The following EHBP1 variants were observed in gnomAD, a reference collection of about 807,000 sequenced individuals.
EHBP1 encodes the protein EH domain binding protein 1, also known as EH domain-binding protein 1.
A neutral mutation model predicts 144.0 loss-of-function variants in EHBP1; 55 were observed. That is an observed-to-expected ratio of 0.38 (90% CI 0.31 to 0.48). The LOEUF (loss-of-function observed/expected upper bound fraction) is 0.48, where lower values mean the gene tolerates loss of function less well. Ranked by LOEUF, EHBP1 falls within the 20% of genes least tolerant of loss-of-function variation. The probability of loss-of-function intolerance (pLI) is 0.98; values close to 1 mark genes in which losing one functional copy is unlikely to be tolerated. For missense variants in EHBP1, 1,200 were observed against 1,364.2 expected, an observed-to-expected ratio of 0.88 and a Z score of 1.90; for synonymous variants, 469 against 472.7, an observed-to-expected ratio of 0.99 and a Z score of 0.10.
At chr2:62,697,901 C>T (rs1396813873) in intron 1 of EHBP1, among the ~76,000 whole-genome samples, 1 of 152,230 alleles carries the variant, frequency 6.6e-6, no homozygotes, top group Non-Finnish European at 1.5e-5. Context: ...CTTGGGCATA[C>T]ATCCATAGCA....
intron 10 of EHBP1, among the ~76,000 whole-genome samples, chr2:62,937,022 C>G (rs1310181140): frequency 6.6e-6 from 1 of 152,090 alleles, no homozygotes; most frequent in Non-Finnish European, 1.5e-5. Context: ...TAGTTCTAGC[C>G]AGTAATTTGA....
intron 14 of EHBP1, among the ~76,000 whole-genome samples, chr2:62,967,489 G>A (rs1038012067): frequency 6.6e-6 from 1 of 152,054 alleles, no homozygotes; most frequent in African/African-American, 2.4e-5. Context: ...CTAGACGATT[G>A]GTATTTTCCA....
chr2:62,854,256 C>A (rs1239433593), intron 7 of EHBP1, among the ~76,000 whole-genome samples: 4 of 152,208 alleles, frequency 2.6e-5, no homozygotes, highest in African/African-American at 9.6e-5. Context: ...GCCATTAAAG[C>A]TTTCTCTGCA....
chr2:62,713,938 C>T (rs2035409580), intron 2 of EHBP1, among the ~76,000 whole-genome samples: 1 of 151,970 alleles, frequency 6.6e-6, no homozygotes, highest in South Asian at 2.1e-4. Flanking sequence ...GTGGTGGGTT[C>T]TTTAAGGAAT....
chr2:62,889,047 C>CTTTTTTTTTTTTT (rs71410971), intron 10 of EHBP1, among the ~76,000 whole-genome samples: 2 of 39,678 alleles, frequency 5.0e-5, no homozygotes, highest in Non-Finnish European at 8.7e-5. Context: ...GTAGGTACCT[C>CTTTTTTTTTTTTT]TTTTTTTTTT....
At chr2:62,955,328 A>G (rs554137388) in intron 13 of EHBP1, among the ~76,000 whole-genome samples, 189 bp from the exon 14 acceptor site, 1 of 152,150 alleles carries the variant, frequency 6.6e-6, no homozygotes, top group Non-Finnish European at 1.5e-5. Context: ...TATTTCCCTC[A>G]TGTCAAGATT....
chr2:62,779,506 G>A (rs1190415592), intron 5 of EHBP1, among the ~76,000 whole-genome samples: 3 of 152,124 alleles, frequency 2.0e-5, no homozygotes, highest in Non-Finnish European at 4.4e-5. Flanking sequence ...GAAAATTCAT[G>A]TGCTTATGGC....
At chr2:62,816,658 T>G (rs1344847194) in intron 5 of EHBP1, among the ~76,000 whole-genome samples, 1 of 152,190 alleles carries the variant, frequency 6.6e-6, no homozygotes, top group African/African-American at 2.4e-5. Flanking sequence ...TGGCTTCAGT[T>G]AGGGGATAAT....
rs1023837865 is a variant in EHBP1, at chr2:63,018,776, A to C, written c.3104-18759A>C. Among the ~76,000 whole-genome samples, 4 of 152,346 alleles carry C rather than the reference A, an allele frequency of 2.6e-5. No individual in the cohort carries two copies. In the East Asian group the frequency reaches 7.7e-4, roughly 29 times the overall value. On this transcript the variant is annotated intron_variant, in intron 19 of 22. Transcript: ENST00000431489. ...TTTGAACCTAAAGAATTAACACATC[A>C]CCATAATTTTCAATTTGGAACATGT...
intron 5 of EHBP1, among the ~76,000 whole-genome samples, chr2:62,787,400 C>CA (rs1558669118): frequency 8.7e-6 from 1 of 114,468 alleles, no homozygotes; most frequent in Non-Finnish European, 1.8e-5. Context: ...CGCTGCCCCC[C>CA]CCCCCCACCC....
chr2:62,680,435 T>C (rs2033471440), intron 1 of EHBP1, among the ~76,000 whole-genome samples: 1 of 152,228 alleles, frequency 6.6e-6, no homozygotes, highest in Non-Finnish European at 1.5e-5. Context: ...AGCTTATGAC[T>C]TAAAACTTAT....
At chr2:62,920,338 A>G (rs547735740) in intron 10 of EHBP1, among the ~76,000 whole-genome samples, 1 of 152,322 alleles carries the variant, frequency 6.6e-6, no homozygotes, top group East Asian at 1.9e-4. Flanking sequence ...CTGCTAAAAG[A>G]CAAAAAAACT....
chr2:62,726,975 G>T (rs2151975279), intron 2 of EHBP1, among the ~76,000 whole-genome samples: 1 of 151,972 alleles, frequency 6.6e-6, no homozygotes, highest in Non-Finnish European at 1.5e-5. Flanking sequence ...CAATTCTCCT[G>T]CCTCAGCCTC....
rs1203413939 is a variant in EHBP1 at position 63,037,029 on chromosome 2, G to T, written c.3104-506G>T. Among the ~76,000 whole-genome samples, 4 of 151,784 alleles carry T rather than the reference G, an allele frequency of 2.6e-5. No homozygotes were observed. The East Asian group carries it at 7.7e-4, about 29-fold the overall frequency. ...TTTATAAGTAGTCTACCCTATTAGG[G>T]ATGATGAGTTCCAAAATGTCATATA... On this transcript the variant is annotated intron_variant, in intron 19 of 22. Transcript: ENST00000431489.
At chr2:62,724,826 A>G (rs2036587213) in intron 2 of EHBP1, among the ~76,000 whole-genome samples, 1 of 152,206 alleles carries the variant, frequency 6.6e-6, no homozygotes, top group Non-Finnish European at 1.5e-5. Flanking sequence ...CAGTGGTGGC[A>G]TTAGATTCTC....
intron 4 of EHBP1, among the ~76,000 whole-genome samples, chr2:62,765,206 G>A (rs376423454): frequency 2.6e-5 from 4 of 152,184 alleles, no homozygotes; most frequent in African/African-American, 9.6e-5. Flanking sequence ...CCATTTTTAA[G>A]TGCCTTGGAA....
intron 2 of EHBP1, among the ~76,000 whole-genome samples, chr2:62,710,715 A>G (rs2035066695): frequency 1.3e-5 from 2 of 152,134 alleles, no homozygotes. Context: ...TAAGTTTGTG[A>G]CATTGACCTG....
chr2:62,882,841 C>G (rs2051578581), intron 10 of EHBP1, among the ~76,000 whole-genome samples: 1 of 151,672 alleles, frequency 6.6e-6, no homozygotes. Flanking sequence ...GAGATGGCGC[C>G]ATTGCACTCC....
At chr2:62,864,406 A>G (rs1188876491) in intron 8 of EHBP1, among the ~76,000 whole-genome samples, 1 of 152,204 alleles carries the variant, frequency 6.6e-6, no homozygotes, top group Admixed American at 6.5e-5. Context: ...TGCACATCTA[A>G]GAAAACATTT....
Sources: allele counts gnomAD v4.1 joint callset (sites outside exome capture counted in the v4.1 genomes callset), GRCh38; gene constraint gnomAD v4.1.1; transcripts MANE v1.5; gene names NCBI Gene and HGNC (gene_info 2026-07-23, HGNC 2026-07-21).